The following POLG variants were observed in gnomAD, a reference collection of about 807,000 sequenced individuals.
POLG encodes the protein DNA polymerase gamma, catalytic subunit, also known as DNA polymerase subunit gamma-1.
POLG carries 110 observed loss-of-function variants against 155.4 expected under a neutral mutation model. That is an observed-to-expected ratio of 0.71 (90% CI 0.61 to 0.83). POLG has a LOEUF of 0.83. Among genes scored for constraint, POLG ranks in the 40% least tolerant of loss-of-function variants. POLG has a pLI of 0.00. For missense variants in POLG, 1,685 were observed against 1,627.5 expected, an observed-to-expected ratio of 1.04 and a Z score of -0.61; for synonymous variants, 701 against 631.5, an observed-to-expected ratio of 1.11 and a Z score of -1.65.
chr15:89,327,209 A>G lies in POLG; in HGVS notation c.1391T>C (p.Met464Thr). Residue 464 changes from methionine (M) to threonine (T), a missense_variant, in exon 7 of 23, where the codon ATG (methionine) becomes ACG (threonine). By Grantham distance (81) the Met-to-Thr change is moderately conservative (BLOSUM62 -1). Around this residue, in one of 3 missense-constraint regions of POLG, gnomAD observed 1,210 missense variants for 1,167.1 expected, o/e 1.04. Coordinates refer to ENST00000268124, the MANE Select transcript of POLG (RefSeq NM_002693.3). The part of the protein sequence containing the change: ...ELQREMKKSL[M>T]DLANDACQLL... ...CTGGCAGGCATCATTGGCCAGATCC[A>G]TCAACGACTTCTTCATCTCCCGCTG... The G allele has an allele frequency of 6.2e-7, 1 of 1,614,228 alleles. No individual in the cohort carries two copies. Among genetic ancestry groups the G allele is most frequent in the Non-Finnish European group, 8.5e-7 (1 of 1,180,036 alleles).
At chr15:89,325,302 G>GTGTGTGTA in intron 10 of POLG, 148 bp downstream of exon 10, 2 of 681,672 alleles carry the variant, frequency 2.9e-6, no homozygotes, top group South Asian at 3.4e-5. Flanking sequence ...GAGAGAGGGT[G>GTGTGTGTA]TGTGTGTGTG....
At position 89,329,099 on chromosome 15, in the gene POLG, C is replaced by T. The variant is rs2055562116; in HGVS notation, c.867G>A (p.Met289Ile). ...REQYLIQGSRMRFLDTMSMHM... is the reference protein window; with the variant it reads ...REQYLIQGSRIRFLDTMSMHM... ...GCATGCTCATGGTGTCCAGGAAACG[C>T]ATGCGGGAACCCTGAGGAGGAGGAG... The change falls in exon 4 of 23, where the codon ATG becomes ATA. Residue 289 changes from methionine to isoleucine, a missense_variant. Met to Ile is a conservative substitution (Grantham distance 10, BLOSUM62 1). Around this residue, in one of 3 missense-constraint regions of POLG, gnomAD observed 1,210 missense variants for 1,167.1 expected, o/e 1.04. Coordinates refer to ENST00000268124, the MANE Select transcript of POLG (RefSeq NM_002693.3). The T allele has an allele frequency of 1.2e-6, 2 of 1,612,120 alleles. No individual in the cohort carries two copies. The highest frequency in any genetic ancestry group is 1.1e-5 in the South Asian group (1 of 91,006).
intron 4 of POLG, 24 bp downstream of exon 4, chr15:89,328,919 T>C: frequency 6.2e-7 from 1 of 1,614,138 alleles, no homozygotes; most frequent in Non-Finnish European, 8.5e-7. Flanking sequence ...ACTATGCTCC[T>C]GCCCACCGGC....
intron 2 of POLG, among the ~76,000 whole-genome samples, chr15:89,330,938 G>C (rs1385061794): frequency 6.6e-6 from 1 of 152,176 alleles, no homozygotes; most frequent in African/African-American, 2.4e-5. Context: ...AGTGCTGCCT[G>C]TTGGGGGCCC....
At chr15:89,331,747 C>A (rs1289603087) in intron 2 of POLG, among the ~76,000 whole-genome samples, 1 of 152,112 alleles carries the variant, frequency 6.6e-6, no homozygotes, top group Non-Finnish European at 1.5e-5. Flanking sequence ...TCAAAGTGGA[C>A]CGCTATTAGG....
At chr15:89,323,372 C>T (rs1410897642) in intron 13 of POLG, 32 bp downstream of exon 13, 2 of 1,400,798 alleles carry the variant, frequency 1.4e-6, no homozygotes, top group Admixed American at 1.7e-5. Context: ...AATGAGGAAA[C>T]ACCACAGGAC....
chr15:89,332,026 T>C (rs1271960675), intron 2 of POLG, among the ~76,000 whole-genome samples: 1 of 152,168 alleles, frequency 6.6e-6, no homozygotes, highest in African/African-American at 2.4e-5. Flanking sequence ...AAAAAACAAA[T>C]CTTTCTTGTC....
intron 19 of POLG, 36 bp downstream of exon 19, chr15:89,319,192 C>CCCT: frequency 6.2e-7 from 1 of 1,614,116 alleles, no homozygotes; most frequent in African/African-American, 1.3e-5. Context: ...AAGCCCAGAC[C>CCCT]CCTCCCTCCA....
intron 6 of POLG, 97 bp downstream of exon 6, chr15:89,328,359 C>T: frequency 2.1e-6 from 2 of 947,242 alleles, no homozygotes; most frequent in East Asian, 2.6e-5. Flanking sequence ...AGCTAAGGTC[C>T]CCAACCTGAG....
Position 89,329,098 on chromosome 15 carries a change from G to A in POLG, c.868C>T (p.Arg290Cys), listed in dbSNP as rs753416225. ...EQYLIQGSRM[R>C]FLDTMSMHMA... ...TGCATGCTCATGGTGTCCAGGAAACGCATGCGGGAACCCTGAGGAGGAGGA... is the reference window on the plus strand; with the variant it reads ...TGCATGCTCATGGTGTCCAGGAAACACATGCGGGAACCCTGAGGAGGAGGA... The change falls in exon 4 of 23, where the codon CGT (arginine) becomes TGT (cysteine). Residue 290 changes from arginine to cysteine, a missense_variant. By Grantham distance (180) the Arg-to-Cys change is radical. Transcript: ENST00000268124. The A allele has an allele frequency of 1.2e-5, 20 of 1,611,982 alleles. No individual in the cohort carries two copies. The highest frequency in any genetic ancestry group is 6.7e-5 in the African/African-American group (5 of 74,890).
chr15:89,323,059 G>GCA (rs55973654), intron 13 of POLG, among the ~76,000 whole-genome samples, 157 bp from the exon 14 acceptor site: 3 of 150,620 alleles, frequency 2.0e-5, no homozygotes, highest in South Asian at 4.2e-4. Flanking sequence ...ACGCGCGCAC[G>GCA]CACACACACA....
At chr15:89,324,614 T>C (rs370495601) in intron 10 of POLG, among the ~76,000 whole-genome samples, 2 of 152,206 alleles carry the variant, frequency 1.3e-5, no homozygotes, top group African/African-American at 2.4e-5. Context: ...TTTGGTCCCA[T>C]GGCCCCATAA....
rs41562216 is a variant in POLG at position 89,332,964 on chromosome 15, C to G, written c.659+132G>C. 3,463 of 1,237,124 alleles carry G rather than the reference C, an allele frequency of 2.8e-3. 90 individuals carry two copies. The African/African-American group carries it at 0.047, about 17-fold the overall frequency. 76.6% of individuals were successfully genotyped at this position (1,237,124 alleles called of 1,614,324 possible). ...AGTCCCACATAAACAGGGGTCTAGTCCTAATTCAACACATCAGCGCTCCCT... is the reference window on the plus strand; with the variant it reads ...AGTCCCACATAAACAGGGGTCTAGTGCTAATTCAACACATCAGCGCTCCCT... On this transcript the variant is annotated intron_variant, in intron 2 of 22. Coordinates refer to ENST00000268124, the MANE Select transcript of POLG (RefSeq NM_002693.3).
intron 12 of POLG, 46 bp downstream of exon 12, chr15:89,323,769 T>C (rs774744083): frequency 6.8e-7 from 1 of 1,461,500 alleles, no homozygotes; most frequent in Non-Finnish European, 9.6e-7. Flanking sequence ...GGAAGCCCTT[T>C]CCACCCAGCA....
At position 89,327,062 on chromosome 15, in the gene POLG, AC is replaced by A. The variant is rs2055531567; in HGVS notation, c.1434del (p.Arg478SerfsTer26). The A allele has an allele frequency of 6.2e-7, 1 of 1,614,072 alleles. No homozygotes were observed. Among genetic ancestry groups the A allele is most frequent in the Non-Finnish European group, 8.5e-7 (1 of 1,180,006 alleles). On this transcript the variant is annotated frameshift_variant and splice_region_variant, in exon 8 of 23. Coordinates refer to ENST00000268124, the MANE Select transcript of POLG (RefSeq NM_002693.3). LOFTEE classifies it high-confidence loss of function. ...TCCCAGAGCCAGGGGTCTTCTTTGT[AC>A]CTACAGAGCCAGTCCACTAGGGCAG... ...NDACQLLSGE[R>X]YKEDPWLWDL...
At chr15:89,324,371 T>C (rs1439214725) in intron 10 of POLG, 144 bp from the exon 11 acceptor site, 3 of 918,446 alleles carry the variant, frequency 3.3e-6, no homozygotes, top group Non-Finnish European at 5.1e-6. Context: ...CTTTCCCGGG[T>C]TTTAGACAGG....
Position 89,325,111 on chromosome 15 carries a change from AGAGTGAGTGAGT to A in POLG, c.1949+327_1949+338del, listed in dbSNP as rs554059036. Among the ~76,000 whole-genome samples the A allele has an allele frequency of 3.8e-4, 14 of 36,912 alleles. 2 individuals are homozygous for A. The highest frequency in any genetic ancestry group is 6.9e-4 in the Non-Finnish European group (14 of 20,260). The allele number at this position is 36,912 out of a possible 152,430, so 24.2% of individuals were successfully genotyped here. A position where few individuals can be genotyped will look rare whatever the true frequency, so the allele number is the denominator to read the frequency against. On this transcript the variant is annotated intron_variant, in intron 10 of 22. Coordinates refer to ENST00000268124, the MANE Select transcript of POLG (RefSeq NM_002693.3). ...GAGTGAGTGAGTGAGAGAGTGAGAG[AGAGTGAGTGAGT>A]GAGTGAGAGAGTGAGTGAGAGAGTG...
At chr15:89,333,986 T>C in intron 1 of POLG, 73 bp from the exon 2 acceptor site, 2 of 589,894 alleles carry the variant, frequency 3.4e-6, no homozygotes. Flanking sequence ...CATCATTCCT[T>C]GAGCATTTAC....
Position 89,318,988 on chromosome 15 carries a change from G to A in POLG, c.3216C>T (p.Thr1072=), listed in dbSNP as rs146936870. Residue 1072 remains threonine, a synonymous_variant, in exon 20 of 23, where the codon ACC becomes ACT. Transcript: ENST00000268124. ...GGCTGATGCAGCAGCCCAGCACCGG[G>A]GTACGTGGTATGTCAGACGTAGCAA... ...ESIATSDIPR[T]PVLGCCISRA... is the part of the protein sequence containing the mutation. 1 of 1,614,010 alleles carries A rather than the reference G, an allele frequency of 6.2e-7. No individual in the cohort carries two copies.
Sources: allele counts gnomAD v4.1 joint callset (sites outside exome capture counted in the v4.1 genomes callset), GRCh38; gene constraint gnomAD v4.1.1; regional missense constraint gnomAD v4.1.1; transcripts MANE v1.5; gene names NCBI Gene and HGNC (gene_info 2026-07-23, HGNC 2026-07-21).